The following SPOCK1 variants were observed in gnomAD, a reference collection of about 807,000 sequenced individuals.
The protein encoded by SPOCK1 is SPARC (osteonectin), cwcv and kazal like domains proteoglycan 1, also known as testican-1.
SPOCK1 carries 23 observed loss-of-function variants against 55.3 expected under a neutral mutation model. The observed-to-expected ratio is 0.42, with a 90% confidence interval of 0.30 to 0.59. The LOEUF (loss-of-function observed/expected upper bound fraction) is 0.59. SPOCK1 is among the 20% of genes least tolerant of loss of function. The pLI is 0.22. For missense variants in SPOCK1, 499 were observed against 552.5 expected (o/e 0.90, Z 0.97); for synonymous variants, 226 against 221.0 (o/e 1.02, Z -0.20).
rs1311684561 is a variant in SPOCK1 at position 137,057,063 on chromosome 5, AC to A, written c.589+10651del. On this transcript the variant is annotated intron_variant, in intron 6 of 10. Transcript: ENST00000394945. ...CTCTCTACTAATATCACTGTTCCTCACCCTCCCAGTACTTCCCCTAAATTGT... is the reference window on the plus strand; with the variant it reads ...CTCTCTACTAATATCACTGTTCCTCACCTCCCAGTACTTCCCCTAAATTGT... Among the ~76,000 whole-genome samples, 3 of 151,762 alleles carry A rather than the reference AC, an allele frequency of 2.0e-5. No homozygotes were observed. The East Asian group carries it at 5.8e-4, about 29-fold the overall frequency.
chr5:137,011,867 G>A (rs1387107576), intron 6 of SPOCK1, among the ~76,000 whole-genome samples: 1 of 152,168 alleles, frequency 6.6e-6, no homozygotes, highest in Non-Finnish European at 1.5e-5. Context: ...GCCAACAGTT[G>A]ACTGCAAGGG....
intron 4 of SPOCK1, among the ~76,000 whole-genome samples, chr5:137,136,350 T>C (rs754578697): frequency 3.9e-5 from 6 of 152,172 alleles, no homozygotes; most frequent in Non-Finnish European, 7.3e-5. Context: ...CAGTGAGCTA[T>C]GATCGCTCCA....
At chr5:137,360,055 A>G (rs1750908734) in intron 2 of SPOCK1, among the ~76,000 whole-genome samples, 1 of 152,204 alleles carries the variant, frequency 6.6e-6, no homozygotes, top group Non-Finnish European at 1.5e-5. Flanking sequence ...TAAGACCAAG[A>G]GCAATTGGTG....
chr5:137,268,410 G>A (rs1166680260), intron 2 of SPOCK1, among the ~76,000 whole-genome samples: 1 of 152,156 alleles, frequency 6.6e-6, no homozygotes, highest in African/African-American at 2.4e-5. Flanking sequence ...CACCCATCTG[G>A]TTAGGGAGTC....
At chr5:137,354,323 C>A (rs1161212077) in intron 2 of SPOCK1, among the ~76,000 whole-genome samples, 1 of 152,116 alleles carries the variant, frequency 6.6e-6, no homozygotes, top group Non-Finnish European at 1.5e-5. Flanking sequence ...CCTTGCGAGG[C>A]CCTGCCCTCA....
rs1298145069 is a variant in SPOCK1, at chr5:137,403,299, C to T, written c.186+95074G>A. Among the ~76,000 whole-genome samples the T allele has an allele frequency of 3.3e-5, 5 of 152,170 alleles. No individual in the cohort carries two copies. In the East Asian group the frequency reaches 7.7e-4, roughly 23 times the overall value. On this transcript the variant is annotated intron_variant, in intron 2 of 10. Transcript: ENST00000394945. ...TGCACCCAGATAGAAAGACAACCTC[C>T]AATTCCCATCATTTTAAGGGTTAAG...
intron 2 of SPOCK1, among the ~76,000 whole-genome samples, chr5:137,293,089 A>ATTTTTTTTTTTTTTTTTTTTTT (rs531537488): frequency 2.0e-5 from 2 of 100,828 alleles, no homozygotes; most frequent in Admixed American, 1.0e-4. Flanking sequence ...GGTTTGTTGA[A>ATTTTTTTTTTTTTTTTTTTTTT]TTTTTTTTTT....
intron 2 of SPOCK1, among the ~76,000 whole-genome samples, chr5:137,473,219 T>C (rs1421306070): frequency 6.6e-6 from 1 of 152,194 alleles, no homozygotes; most frequent in Non-Finnish European, 1.5e-5. Flanking sequence ...TGCCCATACA[T>C]AGGAGACTGG....
intron 6 of SPOCK1, among the ~76,000 whole-genome samples, chr5:137,024,318 G>GGT (rs1751629451): frequency 6.7e-6 from 1 of 148,714 alleles, no homozygotes; most frequent in South Asian, 2.2e-4. Context: ...GTTTGAAGGG[G>GGT]GGGGGGTAGT....
chr5:137,453,635 C>T (rs1753304626), intron 2 of SPOCK1, among the ~76,000 whole-genome samples: 1 of 152,194 alleles, frequency 6.6e-6, no homozygotes, highest in South Asian at 2.1e-4. Context: ...CAAGGCTGCA[C>T]TCTTGTTCAA....
At chr5:137,135,425 CT>C (rs1189675745) in intron 4 of SPOCK1, among the ~76,000 whole-genome samples, 1 of 152,224 alleles carries the variant, frequency 6.6e-6, no homozygotes, top group Non-Finnish European at 1.5e-5. Flanking sequence ...GTTTGTCCCC[CT>C]GTCCCCTAAG....
intron 2 of SPOCK1, among the ~76,000 whole-genome samples, chr5:137,420,762 G>A (rs1228700044): frequency 6.6e-6 from 1 of 152,056 alleles, no homozygotes. Flanking sequence ...TGGGTTCATT[G>A]ATTTTTTGAA....
Position 136,997,823 on chromosome 5 carries a change from G to A in SPOCK1, c.590-5223C>T, listed in dbSNP as rs147490035. ...TGATAGCATTCATAACACCCATCTCGTTCAGTGCCCATTTCTCCCCTAGAT... is the reference window on the plus strand; with the variant it reads ...TGATAGCATTCATAACACCCATCTCATTCAGTGCCCATTTCTCCCCTAGAT... On this transcript the variant is annotated intron_variant, in intron 6 of 10. Transcript: ENST00000394945. 9.1e-4 allele frequency among the ~76,000 whole-genome samples: 138 copies of A among 152,106 alleles called. 2 individuals carry two copies. In the East Asian group the frequency reaches 0.026, roughly 28 times the overall value.
In SPOCK1 at chr5:137,113,682, G is replaced by A. The variant is rs185010782; in HGVS notation, c.348-1121C>T. On this transcript the variant is annotated intron_variant, in intron 4 of 10. Transcript: ENST00000394945. ...ATCTGAAGTACTCAGCAGAGTGCCT[G>A]CAAAATAGGAAGCAGTAAAAATGGT... 6.1e-3 allele frequency among the ~76,000 whole-genome samples: 936 copies of A among 152,306 alleles called. 9 individuals carry two copies. Among genetic ancestry groups the A allele is most frequent in the African/African-American group, 0.018 (744 of 41,558 alleles).
intron 4 of SPOCK1, among the ~76,000 whole-genome samples, chr5:137,128,944 T>C (rs527429641): frequency 3.3e-5 from 5 of 152,362 alleles, no homozygotes; most frequent in Non-Finnish European, 7.3e-5. Flanking sequence ...CGTTAGGATT[T>C]CTAATGCACA....
intron 4 of SPOCK1, among the ~76,000 whole-genome samples, chr5:137,114,215 T>C (rs1020368022): frequency 1.3e-5 from 2 of 152,154 alleles, no homozygotes; most frequent in African/African-American, 4.8e-5. Context: ...TCCCCTGAAA[T>C]CACCTTGCTT....
intron 6 of SPOCK1, among the ~76,000 whole-genome samples, chr5:137,026,547 T>C (rs1252986051): frequency 2.0e-5 from 3 of 152,368 alleles, no homozygotes; most frequent in Admixed American, 6.5e-5. Flanking sequence ...TGTTGGACTT[T>C]CCAGCTGCTA....
intron 6 of SPOCK1, among the ~76,000 whole-genome samples, chr5:136,994,169 T>C (rs1750999642): frequency 6.6e-6 from 1 of 152,182 alleles, no homozygotes; most frequent in Admixed American, 6.5e-5. Flanking sequence ...GACTCTACAC[T>C]CTGCAAAGCA....
At chr5:137,277,021 C>T (rs1370745669) in intron 2 of SPOCK1, among the ~76,000 whole-genome samples, 3 of 151,874 alleles carry the variant, frequency 2.0e-5, no homozygotes, top group African/African-American at 7.3e-5. Context: ...GCAGCTACCA[C>T]ATTTTTTTTT....
Sources: allele counts gnomAD v4.1 joint callset (sites outside exome capture counted in the v4.1 genomes callset), GRCh38; gene constraint gnomAD v4.1.1; transcripts MANE v1.5; gene names NCBI Gene and HGNC (gene_info 2026-07-23, HGNC 2026-07-21).